Variants in VCL observed in about 807,000 individuals in gnomAD.
The protein encoded by VCL is vinculin, also known as epididymis luminal protein 114.
A neutral mutation model predicts 125.7 loss-of-function variants in VCL; 47 were observed. The ratio of observed to expected loss-of-function variants is 0.37; its 90% CI spans 0.30 to 0.48. VCL has a LOEUF of 0.48. Among genes scored for constraint, VCL ranks in the 20% least tolerant of loss-of-function variants. The probability of loss-of-function intolerance (pLI) is 0.99; values close to 1 mark genes in which losing one functional copy is unlikely to be tolerated. For synonymous variants in VCL, 458 were observed against 514.6 expected (o/e 0.89, Z 1.49); for missense variants, 1,069 against 1,455.5 (o/e 0.73, Z 4.32).
At position 74,005,916 on chromosome 10, in the gene VCL, C is replaced by T. The variant is rs184518044; in HGVS notation, c.168+7541C>T. Among the ~76,000 whole-genome samples, 402 of 151,644 alleles carry T rather than the reference C, an allele frequency of 2.7e-3. 3 individuals carry two copies. Among genetic ancestry groups the T allele is most frequent in the African/African-American group, 9.3e-3 (386 of 41,290 alleles). On this transcript the variant is annotated intron_variant, in intron 1 of 21. Transcript: ENST00000211998. ...TATTTATTTTTTTGAGACAGAGTCTCGCTGTTTCACCCAGGCTGGAGTGCA... is the reference window on the plus strand; with the variant it reads ...TATTTATTTTTTTGAGACAGAGTCTTGCTGTTTCACCCAGGCTGGAGTGCA...
intron 1 of VCL, among the ~76,000 whole-genome samples, chr10:74,037,575 G>T (rs1005039266): frequency 6.6e-6 from 1 of 152,202 alleles, no homozygotes; most frequent in African/African-American, 2.4e-5. Flanking sequence ...ACAAAGTCCT[G>T]AACTAACTGA....
intron 8 of VCL, among the ~76,000 whole-genome samples, chr10:74,087,801 C>T (rs945550426): frequency 6.6e-6 from 1 of 152,002 alleles, no homozygotes; most frequent in East Asian, 2.0e-4. Flanking sequence ...CAGTGTGAAA[C>T]CCCGTCTCTA....
At chr10:74,049,060 T>C (rs972573152) in intron 2 of VCL, among the ~76,000 whole-genome samples, 3 of 152,154 alleles carry the variant, frequency 2.0e-5, no homozygotes, top group African/African-American at 7.2e-5. Context: ...TGAGCTGAGA[T>C]TGCGCCACTG....
intron 8 of VCL, among the ~76,000 whole-genome samples, chr10:74,084,740 G>A (rs191283485): frequency 4.3e-4 from 66 of 152,076 alleles, no homozygotes; most frequent in African/African-American, 1.4e-3. Flanking sequence ...AGCCTCCTGA[G>A]TAGCTAGGAT....
In VCL at chr10:74,043,094, G is replaced by A. The variant is rs938335177; in HGVS notation, c.180G>A (p.Glu60=). 5 of 1,613,158 alleles carry A rather than the reference G, an allele frequency of 3.1e-6. No homozygotes were observed. Among genetic ancestry groups the A allele is most frequent in the Non-Finnish European group, 4.2e-6 (5 of 1,179,500 alleles). Residue 60 remains glutamate, a synonymous_variant, in exon 2 of 22, where the codon GAG becomes GAA. Transcript: ENST00000211998. ...AVSNLVRVGK[E]TVQTTEDQIL... Reference sequence around the variant, plus strand: ...TTTTCCTCTTGTAGGTTGGAAAAGAGACTGTTCAAACCACTGAGGATCAGA... The same window carrying A: ...TTTTCCTCTTGTAGGTTGGAAAAGAAACTGTTCAAACCACTGAGGATCAGA...
intron 2 of VCL, among the ~76,000 whole-genome samples, chr10:74,048,424 T>C (rs1447079729): frequency 6.8e-6 from 1 of 148,128 alleles, no homozygotes; most frequent in Non-Finnish European, 1.5e-5. Context: ...GCCGAGATCA[T>C]GCCATGCATT....
chr10:74,111,572 A>T (rs1040808384), intron 18 of VCL, among the ~76,000 whole-genome samples: 4 of 152,180 alleles, frequency 2.6e-5, no homozygotes, highest in African/African-American at 7.2e-5. Context: ...AAATATTCTC[A>T]TGTGAGAATC....
At position 74,072,768 on chromosome 10, in the gene VCL, C is replaced by A; in HGVS notation, c.538C>A (p.Gln180Lys). 1.2e-6 allele frequency: 2 copies of A among 1,614,078 alleles called. No individual in the cohort carries two copies. The highest frequency in any genetic ancestry group is 1.7e-6 in the Non-Finnish European group (2 of 1,179,998). Residue 180 changes from glutamine (Q) to lysine (K), a missense_variant, in exon 5 of 22, where the codon CAG (glutamine) becomes AAG (lysine). Transcript: ENST00000211998. ...KMAKMIDERQ[Q>K]ELTHQEHRVM... ...GGCCAAGATGATTGACGAGAGACAG[C>A]AGGAGCTCACTCACCAGGAGCACCG... is the stretch of plus-strand genomic sequence containing the variant.
At chr10:74,112,228 C>CCCCAA in intron 19 of VCL, 116 bp downstream of exon 19, 1 of 1,327,708 alleles carries the variant, frequency 7.5e-7, no homozygotes. Flanking sequence ...GCAGGGCGGG[C>CCCCAA]ATCTGTCTGT....
At chr10:74,112,264 T>C in intron 19 of VCL, 152 bp downstream of exon 19, 6 of 1,008,444 alleles carry the variant, frequency 5.9e-6, no homozygotes, top group Non-Finnish European at 9.0e-6. Context: ...AGGACTGGCT[T>C]CACAAGTTTG....
intron 18 of VCL, 100 bp from the exon 19 acceptor site, chr10:74,111,809 G>A: frequency 7.0e-7 from 1 of 1,430,298 alleles, no homozygotes; most frequent in South Asian, 1.2e-5. Flanking sequence ...CTCATCCTAG[G>A]CAGGCTTTGG....
At position 74,112,072 on chromosome 10, in the gene VCL, C is replaced by T; in HGVS notation, c.2909C>T (p.Ala970Val). Residue 970 changes from alanine (A) to valine (V), a missense_variant, in exon 19 of 22, where the codon GCT (alanine) becomes GTT (valine). Physicochemically the swap from Ala to Val is moderately conservative, Grantham distance 64 (BLOSUM62 0). This residue lies in a region of VCL where 86 missense variants were observed against 91.0 expected (regional missense o/e 0.95). Transcript: ENST00000211998. ...QPVNQPILAAAQSLHREATKW... is the reference protein window; with the variant it reads ...QPVNQPILAAVQSLHREATKW... The stretch of plus-strand genomic sequence containing the variant: ...GTCAACCAGCCCATTCTGGCCGCGG[C>T]TCAGTCCTTGCATCGGGAAGCTACC... 1 of 1,614,230 alleles carries T rather than the reference C, an allele frequency of 6.2e-7. No individual in the cohort carries two copies. Among genetic ancestry groups the T allele is most frequent in the Non-Finnish European group, 8.5e-7 (1 of 1,180,040 alleles).
intron 1 of VCL, among the ~76,000 whole-genome samples, chr10:74,009,593 G>A (rs978221837): frequency 6.6e-6 from 1 of 151,720 alleles, no homozygotes; most frequent in African/African-American, 2.4e-5. Flanking sequence ...GTTATGGAAA[G>A]GAAAGCTGTC....
At chr10:74,025,445 C>A (rs1840752742) in intron 1 of VCL, among the ~76,000 whole-genome samples, 1 of 151,816 alleles carries the variant, frequency 6.6e-6, no homozygotes, top group Non-Finnish European at 1.5e-5. Context: ...GAAACCCCAC[C>A]TCTACTGAAA....
At chr10:74,106,798 G>A (rs570890681) in intron 16 of VCL, among the ~76,000 whole-genome samples, 18 of 152,326 alleles carry the variant, frequency 1.2e-4, no homozygotes, top group Middle Eastern at 3.4e-3. Context: ...CATACTGAAT[G>A]CCAAGGACAG....
intron 14 of VCL, among the ~76,000 whole-genome samples, chr10:74,101,550 T>TG (rs1260938122): frequency 1.4e-5 from 2 of 139,120 alleles, no homozygotes; most frequent in Non-Finnish European, 3.1e-5. Context: ...TAGTTTTTTT[T>TG]TTTTTTTTTT....
rs373317423 is a variant in VCL, at chr10:74,118,137, C to T, written c.3373C>T (p.Arg1125Cys). ...KIRTDAGFTL[R>C]WVRKTPWYQ ...TCGAACAGATGCTGGATTTACACTG[C>T]GCTGGGTTAGAAAGACTCCCTGGTA... is the stretch of plus-strand genomic sequence containing the variant. The change falls in exon 22 of 22, where the codon CGC becomes TGC. Residue 1125 changes from arginine to cysteine, a missense_variant. By Grantham distance (180) the Arg-to-Cys change is radical. Around this residue, in one of 6 missense-constraint regions of VCL, gnomAD observed 91 missense variants for 203.9 expected, o/e 0.45. Transcript: ENST00000211998. 116 of 1,613,972 alleles carry T rather than the reference C, an allele frequency of 7.2e-5. No homozygotes were observed. Among genetic ancestry groups the T allele is most frequent in the Non-Finnish European group, 9.4e-5 (111 of 1,180,040 alleles).
intron 1 of VCL, among the ~76,000 whole-genome samples, chr10:74,018,968 C>A (rs1840611685): frequency 6.6e-6 from 1 of 152,000 alleles, no homozygotes. Context: ...TCATCCTTTG[C>A]ATGTTTTGGG....
At chr10:74,036,878 C>T (rs1840989655) in intron 1 of VCL, among the ~76,000 whole-genome samples, 1 of 151,688 alleles carries the variant, frequency 6.6e-6, no homozygotes, top group South Asian at 2.1e-4. Flanking sequence ...GTGAATTAAT[C>T]CCTTTCTTGT....
Sources: allele counts gnomAD v4.1 joint callset (sites outside exome capture counted in the v4.1 genomes callset), GRCh38; gene constraint gnomAD v4.1.1; regional missense constraint gnomAD v4.1.1; transcripts MANE v1.5; gene names NCBI Gene and HGNC (gene_info 2026-07-23, HGNC 2026-07-21).